Variants in PDGFC observed in about 807,000 individuals in gnomAD.
PDGFC encodes the protein platelet-derived growth factor C.
PDGFC carries 12 observed loss-of-function variants against 35.5 expected under a neutral mutation model. The observed-to-expected ratio is 0.34, with a 90% CI of 0.22 to 0.55. PDGFC has a LOEUF of 0.55. PDGFC is among the 20% of genes least tolerant of loss of function. The pLI is 0.91. For missense variants in PDGFC, 322 were observed against 412.4 expected (o/e 0.78, Z 1.90); for synonymous variants, 159 against 148.8 (o/e 1.07, Z -0.50).
chr4:156,920,231 C>T (rs1244159207), intron 1 of PDGFC, among the ~76,000 whole-genome samples: 1 of 152,208 alleles, frequency 6.6e-6, no homozygotes, highest in Non-Finnish European at 1.5e-5. Context: ...TATAGCAACA[C>T]AAAACATACC....
At chr4:156,772,988 A>C in intron 3 of PDGFC, 95 bp from the exon 4 acceptor site, 1 of 786,448 alleles carries the variant, frequency 1.3e-6, no homozygotes, top group Non-Finnish European at 2.1e-6. Context: ...GAGGCTGGAA[A>C]TATGTGTGAA....
chr4:156,765,630 T>A (rs772030290), intron 5 of PDGFC, among the ~76,000 whole-genome samples: 13 of 152,100 alleles, frequency 8.5e-5, no homozygotes, highest in Non-Finnish European at 1.5e-4. Flanking sequence ...TATTATTTCA[T>A]AAAAAATTAA....
intron 1 of PDGFC, among the ~76,000 whole-genome samples, chr4:156,889,790 A>C (rs1730460447): frequency 6.6e-6 from 1 of 152,152 alleles, no homozygotes; most frequent in South Asian, 2.1e-4. Context: ...AACAGCAGCC[A>C]ACTGGTTTCC....
chr4:156,819,433 C>T (rs1172939215), intron 2 of PDGFC, among the ~76,000 whole-genome samples: 6 of 152,186 alleles, frequency 3.9e-5, no homozygotes, highest in African/African-American at 1.4e-4. Context: ...GCTCATTTAC[C>T]ATTCCAAAAA....
At chr4:156,897,184 C>T (rs938190838) in intron 1 of PDGFC, among the ~76,000 whole-genome samples, 1 of 152,012 alleles carries the variant, frequency 6.6e-6, no homozygotes, top group Non-Finnish European at 1.5e-5. Flanking sequence ...AACAGAGAGA[C>T]ATTTGACTAA....
At chr4:156,893,895 G>T (rs1239213058) in intron 1 of PDGFC, among the ~76,000 whole-genome samples, 1 of 151,912 alleles carries the variant, frequency 6.6e-6, no homozygotes, top group East Asian at 1.9e-4. Flanking sequence ...CATGCCAAAG[G>T]TTACATAATT....
chr4:156,764,043 TATG>T (rs1211376069), intron 5 of PDGFC, among the ~76,000 whole-genome samples: 2 of 152,218 alleles, frequency 1.3e-5, no homozygotes, highest in Non-Finnish European at 2.9e-5. Flanking sequence ...TTTTATTTCT[TATG>T]ATAGAAACAA....
intron 3 of PDGFC, among the ~76,000 whole-genome samples, chr4:156,789,866 A>G (rs975446708): frequency 3.3e-5 from 5 of 150,932 alleles, no homozygotes; most frequent in African/African-American, 1.2e-4. Flanking sequence ...AGTTCCAGAT[A>G]CTCAGGAGGC....
At chr4:156,783,133 CTG>C (rs1457276477) in intron 3 of PDGFC, among the ~76,000 whole-genome samples, 1 of 151,866 alleles carries the variant, frequency 6.6e-6, no homozygotes, top group East Asian at 1.9e-4. Context: ...TACAAAGAAA[CTG>C]AGTTGGAAAA....
At chr4:156,942,739 TATA>T (rs1221927165) in intron 1 of PDGFC, among the ~76,000 whole-genome samples, 1 of 148,750 alleles carries the variant, frequency 6.7e-6, no homozygotes, top group Non-Finnish European at 1.5e-5. Context: ...TATGTATAAT[TATA>T]ATTATATTGT....
At chr4:156,827,722 C>T (rs12643579) in intron 2 of PDGFC, among the ~76,000 whole-genome samples, 45,293 of 151,926 alleles carry the variant, frequency 0.3, 9,351 homozygotes, top group African/African-American at 0.58. Context: ...TACCCACATA[C>T]GTACATACAT....
intron 1 of PDGFC, among the ~76,000 whole-genome samples, chr4:156,900,928 T>TGAGG (rs566597993): frequency 5.5e-5 from 3 of 54,810 alleles, no homozygotes; most frequent in South Asian, 7.3e-4. Context: ...AGAGAGGAAG[T>TGAGG]GAGGGAGGGA....
chr4:156,825,571 A>ATAATAATAC (rs1169980907), intron 2 of PDGFC, among the ~76,000 whole-genome samples: 5 of 103,574 alleles, frequency 4.8e-5, no homozygotes, highest in Non-Finnish European at 9.2e-5. Flanking sequence ...AATAATAATA[A>ATAATAATAC]TAATAATAAT....
At chr4:156,804,097 T>TAAAGAGA (rs3042795) in intron 3 of PDGFC, among the ~76,000 whole-genome samples, 58,239 of 151,500 alleles carry the variant, frequency 0.38, 14,516 homozygotes, top group African/African-American at 0.71. Context: ...CCCTGAAAAA[T>TAAAGAGA]ACACATGTAT....
intron 3 of PDGFC, among the ~76,000 whole-genome samples, chr4:156,781,329 C>T (rs575809027): frequency 3.4e-4 from 51 of 152,164 alleles, no homozygotes; most frequent in Non-Finnish European, 6.6e-4. Context: ...AACTGGTCTC[C>T]CTGTTAAACA....
chr4:156,872,766 A>C lies in PDGFC; in HGVS notation c.119-22350T>G, dbSNP rs1411521603. 2.0e-5 allele frequency among the ~76,000 whole-genome samples: 3 copies of C among 152,334 alleles called. No individual in the cohort carries two copies. The East Asian group carries it at 5.8e-4, about 29-fold the overall frequency. On this transcript the variant is annotated intron_variant, in intron 1 of 5. Coordinates refer to ENST00000502773, the MANE Select transcript of PDGFC (RefSeq NM_016205.3). ...GTACCAAATAAACATTTAAGTACAC[A>C]ACTGTTCTAGGATTGCTAGGAAATT...
chr4:156,789,290 GA>G (rs1731222636), intron 3 of PDGFC, among the ~76,000 whole-genome samples: 1 of 152,128 alleles, frequency 6.6e-6, no homozygotes, highest in Non-Finnish European at 1.5e-5. Context: ...TAGTAACATA[GA>G]AAATAAAGAG....
At chr4:156,872,722 T>A (rs1454914249) in intron 1 of PDGFC, among the ~76,000 whole-genome samples, 1 of 152,220 alleles carries the variant, frequency 6.6e-6, no homozygotes, top group Non-Finnish European at 1.5e-5. Context: ...TGACTTGACC[T>A]TTGATAAGGA....
intron 1 of PDGFC, among the ~76,000 whole-genome samples, chr4:156,912,710 A>T (rs1731067136): frequency 6.6e-6 from 1 of 152,180 alleles, no homozygotes; most frequent in African/African-American, 2.4e-5. Context: ...TAAGGGAGAA[A>T]ATGGGAACAC....
Sources: allele counts gnomAD v4.1 joint callset (sites outside exome capture counted in the v4.1 genomes callset), GRCh38; gene constraint gnomAD v4.1.1; transcripts MANE v1.5; gene names NCBI Gene and HGNC (gene_info 2026-07-23, HGNC 2026-07-21).